Variants in CCSER1 observed in about 807,000 individuals in gnomAD.
CCSER1 encodes the protein coiled-coil serine rich protein 1, also known as serine-rich coiled-coil domain-containing protein 1.
CCSER1 carries 41 observed loss-of-function variants against 82.0 expected under a neutral mutation model. The observed-to-expected ratio is 0.50, with a 90% CI of 0.39 to 0.65. The LOEUF (loss-of-function observed/expected upper bound fraction) is 0.65. Among genes scored for constraint, CCSER1 ranks in the 30% least tolerant of loss-of-function variants. CCSER1 has a pLI of 0.00. For synonymous variants in CCSER1, 414 were observed against 383.9 expected (o/e 1.08, Z -0.92); for missense variants, 1,119 against 1,064.2 (o/e 1.05, Z -0.72).
intron 1 of CCSER1, among the ~76,000 whole-genome samples, chr4:90,128,516 T>TGTGTGTGTGTGCGC (rs994567297): frequency 3.2e-4 from 41 of 128,586 alleles, no homozygotes; most frequent in African/African-American, 1.2e-3. Context: ...TGTGTGTGTG[T>TGTGTGTGTGTGCGC]GCGCGCGCGC....
intron 10 of CCSER1, among the ~76,000 whole-genome samples, chr4:91,440,110 T>C (rs1413792398): frequency 1.3e-5 from 2 of 152,000 alleles, no homozygotes; most frequent in Non-Finnish European, 1.5e-5. Context: ...CTGCACCAAG[T>C]GGACCTAATA....
chr4:90,767,764 C>A (rs936054380), intron 7 of CCSER1, among the ~76,000 whole-genome samples: 1 of 152,056 alleles, frequency 6.6e-6, no homozygotes, highest in Non-Finnish European at 1.5e-5. Flanking sequence ...ATCTCCAGGG[C>A]TCAAGAAATT....
rs138167995 is a variant in CCSER1 at position 90,485,340 on chromosome 4, C to T, written c.1724+16986C>T. 4.4e-3 allele frequency among the ~76,000 whole-genome samples: 670 copies of T among 152,316 alleles called. 7 individuals carry two copies. The highest frequency in any genetic ancestry group is 0.016 in the African/African-American group (647 of 41,582). On this transcript the variant is annotated intron_variant, in intron 5 of 10. Transcript: ENST00000509176. ...GCACTTCCCAGGTGAGTCGATGCCT[C>T]GCTCTGCTTCGGTTCACGCACGGTG...
chr4:90,844,230 A>G (rs1366421724), intron 8 of CCSER1, among the ~76,000 whole-genome samples: 4 of 151,546 alleles, frequency 2.6e-5, no homozygotes, highest in Non-Finnish European at 5.9e-5. Context: ...AGAGAGAGAG[A>G]GAAAGAGAGG....
chr4:90,857,764 G>A (rs968079860), intron 8 of CCSER1, among the ~76,000 whole-genome samples: 1 of 151,946 alleles, frequency 6.6e-6, no homozygotes, highest in South Asian at 2.1e-4. Context: ...GTAGGTCAAG[G>A]GATACAAGGT....
chr4:91,209,133 A>G (rs966075988), intron 10 of CCSER1, among the ~76,000 whole-genome samples: 5 of 151,948 alleles, frequency 3.3e-5, no homozygotes, highest in Non-Finnish European at 5.9e-5. Flanking sequence ...GGGGTTTTCT[A>G]AACATAGAAT....
intron 8 of CCSER1, among the ~76,000 whole-genome samples, chr4:90,908,408 A>G (rs6532253): frequency 0.54 from 81,427 of 151,822 alleles, 23,565 homozygotes; most frequent in African/African-American, 0.76. Context: ...GATGAAGGTG[A>G]TAAAATAGAT....
At chr4:90,787,711 G>C (rs1311360832) in intron 7 of CCSER1, among the ~76,000 whole-genome samples, 1 of 152,184 alleles carries the variant, frequency 6.6e-6, no homozygotes. Flanking sequence ...TTGAACAATT[G>C]TATGTCTCCA....
At chr4:90,192,182 C>T (rs1189282008) in intron 1 of CCSER1, among the ~76,000 whole-genome samples, 3 of 151,980 alleles carry the variant, frequency 2.0e-5, no homozygotes, top group African/African-American at 4.8e-5. Context: ...TCACATGTTA[C>T]GTGGATGGCA....
intron 10 of CCSER1, among the ~76,000 whole-genome samples, chr4:91,445,148 A>C (rs1486720185): frequency 6.6e-6 from 1 of 152,190 alleles, no homozygotes; most frequent in East Asian, 1.9e-4. Flanking sequence ...TTTAGAAGAT[A>C]ATAACAATCT....
intron 1 of CCSER1, among the ~76,000 whole-genome samples, chr4:90,250,368 G>T (rs1722180439): frequency 6.6e-6 from 1 of 151,922 alleles, no homozygotes; most frequent in South Asian, 2.1e-4. Flanking sequence ...ACTTACATTT[G>T]GGCTTAAGAT....
rs201694805 is a variant in CCSER1 at position 90,847,917 on chromosome 4, A to AG, written c.2094+32073dup. On this transcript the variant is annotated intron_variant, in intron 8 of 10. Transcript: ENST00000509176. ...TTGTTCTTTTTACTCAAAGACCTCC[A>AG]GTGATAAATGATATATGTAAGCATA... Among the ~76,000 whole-genome samples, 66 of 152,236 alleles carry AG rather than the reference A, an allele frequency of 4.3e-4. No homozygotes were observed. The East Asian group carries it at 0.012, about 29-fold the overall frequency.
At chr4:90,802,361 A>G (rs1298938341) in intron 7 of CCSER1, among the ~76,000 whole-genome samples, 4 of 149,880 alleles carry the variant, frequency 2.7e-5, no homozygotes, top group East Asian at 1.9e-4. Context: ...TATAATCAGT[A>G]AAGATATCCT....
intron 10 of CCSER1, among the ~76,000 whole-genome samples, chr4:91,227,094 G>A (rs1435482826): frequency 6.6e-6 from 1 of 151,712 alleles, no homozygotes; most frequent in Non-Finnish European, 1.5e-5. Context: ...GTTTATCTTT[G>A]TATTATTAGT....
chr4:91,213,348 C>T (rs570778058), intron 10 of CCSER1, among the ~76,000 whole-genome samples: 2 of 152,010 alleles, frequency 1.3e-5, no homozygotes, highest in Non-Finnish European at 2.9e-5. Context: ...TTTCACAGAA[C>T]CTAGAGTCTA....
At chr4:91,538,706 T>TATATATATATATATTATATATATA (rs1761437471) in intron 10 of CCSER1, among the ~76,000 whole-genome samples, 1 of 23,414 alleles carries the variant, frequency 4.3e-5, no homozygotes, top group African/African-American at 3.9e-4. Flanking sequence ...CACATATATA[T>TATATATATATATATTATATATATA]ATATAATATC....
chr4:90,968,298 A>G (rs1016166503), intron 9 of CCSER1, among the ~76,000 whole-genome samples: 2 of 152,142 alleles, frequency 1.3e-5, no homozygotes, highest in African/African-American at 4.8e-5. Flanking sequence ...AGGTTCACTT[A>G]TGAAGCTTGT....
chr4:91,171,909 T>C (rs1243701609), intron 10 of CCSER1, among the ~76,000 whole-genome samples: 1 of 152,108 alleles, frequency 6.6e-6, no homozygotes, highest in East Asian at 1.9e-4. Flanking sequence ...CTATTTAAAC[T>C]TTTATGATGT....
chr4:91,536,297 G>C (rs1377517184), intron 10 of CCSER1, among the ~76,000 whole-genome samples: 1 of 152,048 alleles, frequency 6.6e-6, no homozygotes, highest in African/African-American at 2.4e-5. Context: ...ATTTTGGAAT[G>C]GGTATACATA....
Sources: gnomAD v4.1 joint callset for allele counts (sites outside exome capture counted in the v4.1 genomes callset) on GRCh38, gnomAD v4.1.1 for gene constraint, MANE v1.5 for transcripts, NCBI Gene and HGNC (gene_info 2026-07-23, HGNC 2026-07-21) for gene names.